The following LYZL2 variants were observed in gnomAD, a reference collection of about 807,000 sequenced individuals.
LYZL2 encodes the protein lysozyme-like protein 2.
In LYZL2, 13 loss-of-function variants were observed where a neutral mutation model predicts 17.1. The observed-to-expected ratio is 0.76, with a 90% CI of 0.49 to 1.21. The LOEUF is 1.21. LYZL2 is among the 50% of genes most tolerant of loss of function. LYZL2 has a pLI of 0.00. For missense variants in LYZL2, 166 were observed against 189.2 expected (o/e 0.88, Z 0.72); for synonymous variants, 63 against 74.4 (o/e 0.85, Z 0.79).
At chr10:30,616,269 C>T (rs1348167826) in intron 3 of LYZL2, among the ~76,000 whole-genome samples, 1 of 152,074 alleles carries the variant, frequency 6.6e-6, no homozygotes, top group African/African-American at 2.4e-5. Flanking sequence ...ATTCTATTAA[C>T]CAGGAGAAAA....
At chr10:30,621,855 C>T (rs1453671917) in intron 3 of LYZL2, among the ~76,000 whole-genome samples, 2 of 151,946 alleles carry the variant, frequency 1.3e-5, no homozygotes, top group African/African-American at 2.4e-5. Flanking sequence ...GTAATAGATA[C>T]TATAAAACTT....
At chr10:30,623,617 A>G (rs1838658048) in intron 3 of LYZL2, among the ~76,000 whole-genome samples, 1 of 152,132 alleles carries the variant, frequency 6.6e-6, no homozygotes, top group African/African-American at 2.4e-5. Context: ...TTTAGGTTAC[A>G]TTCTCCTTAT....
chr10:30,618,284 C>A (rs1365218004), intron 3 of LYZL2, among the ~76,000 whole-genome samples: 1 of 152,186 alleles, frequency 6.6e-6, no homozygotes, highest in Non-Finnish European at 1.5e-5. Context: ...CCATCCCCAT[C>A]AAGCTATCAA....
At chr10:30,614,677 G>A (rs1245670743) in intron 3 of LYZL2, among the ~76,000 whole-genome samples, 1 of 152,136 alleles carries the variant, frequency 6.6e-6, no homozygotes, top group African/African-American at 2.4e-5. Flanking sequence ...AATGCTGGAT[G>A]TTGACAAGGG....
chr10:30,629,538 T>A (rs2132957159), intron 1 of LYZL2, 55 bp downstream of exon 1: 5 of 1,582,452 alleles, frequency 3.2e-6, no homozygotes, highest in Middle Eastern at 1.7e-4. Flanking sequence ...TTCAAGAACC[T>A]GCCATTGCTG....
intron 3 of LYZL2, among the ~76,000 whole-genome samples, chr10:30,621,147 T>C (rs918908281): frequency 6.6e-6 from 1 of 152,118 alleles, no homozygotes; most frequent in African/African-American, 2.4e-5. Flanking sequence ...CATCATCGAA[T>C]TGCTGAAAAT....
At position 30,614,381 on chromosome 10, in the gene LYZL2, A is replaced by G. The variant is rs1188136861; in HGVS notation, c.299-1481T>C. On this transcript the variant is annotated intron_variant, in intron 3 of 4. Coordinates refer to ENST00000647634, the MANE Select transcript of LYZL2 (RefSeq NM_183058.3). ...ACTGCCCATCAGAGTGGCCCAAGTC[A>G]GGCCCACATGCCAGGTCTGAATGCC... is the stretch of plus-strand genomic sequence containing the variant. Among the ~76,000 whole-genome samples, 10 of 152,356 alleles carry G rather than the reference A, an allele frequency of 6.6e-5. No individual in the cohort carries two copies. In the East Asian group the frequency reaches 1.3e-3, roughly 21 times the overall value.
At position 30,611,987 on chromosome 10, in the gene LYZL2, A is replaced by G; in HGVS notation, c.415T>C (p.Ser139Pro). ...WKKHCEGRDL[S>P]DWKKDCEVS is the part of the protein sequence containing the mutation. ...ACCTCACAGTCTTTTTTCCAGTCGG[A>G]CAGGTCTCTCCCCTCACAGTGTTTC... Residue 139 changes from serine (S) to proline (P), a missense_variant, in exon 5 of 5, where the codon TCC becomes CCC. By Grantham distance (74) the Ser-to-Pro change is moderately conservative. Coordinates refer to ENST00000647634, the MANE Select transcript of LYZL2 (RefSeq NM_183058.3). 9 of 1,614,154 alleles carry G rather than the reference A, an allele frequency of 5.6e-6. No homozygotes were observed. Among genetic ancestry groups the G allele is most frequent in the South Asian group, 1.1e-5 (1 of 91,076 alleles).
At chr10:30,616,423 G>T (rs1475806752) in intron 3 of LYZL2, among the ~76,000 whole-genome samples, 2 of 152,186 alleles carry the variant, frequency 1.3e-5, no homozygotes, top group Admixed American at 1.3e-4. Flanking sequence ...GGTGGCTCAC[G>T]CCTATAATCC....
chr10:30,617,513 A>G (rs1838547837), intron 3 of LYZL2, among the ~76,000 whole-genome samples: 1 of 151,912 alleles, frequency 6.6e-6, no homozygotes, highest in Admixed American at 6.6e-5. Context: ...TGTCTCTACT[A>G]AAAATACAAA....
intron 3 of LYZL2, among the ~76,000 whole-genome samples, chr10:30,617,694 A>AAAAAAAG (rs1838555891): frequency 2.2e-5 from 3 of 137,568 alleles, no homozygotes; most frequent in Non-Finnish European, 3.1e-5. Context: ...AAAAAAAAAA[A>AAAAAAAG]AAAAGAAAAG....
At chr10:30,628,710 G>A (rs368476058) in intron 1 of LYZL2, among the ~76,000 whole-genome samples, 9 of 152,268 alleles carry the variant, frequency 5.9e-5, no homozygotes, top group African/African-American at 1.9e-4. Flanking sequence ...TTCCTGCATT[G>A]AAAGGCTAGG....
downstream of LYZL2, among the ~76,000 whole-genome samples, chr10:30,611,575 GAAAGAAA>G (rs1564405891): frequency 9.6e-4 from 94 of 97,720 alleles, no homozygotes; most frequent in South Asian, 1.2e-3. Flanking sequence ...AGGAAGGAAA[GAAAGAAA>G]GAAAGAAAGA....
At chr10:30,624,616 A>G (rs983769899) in intron 3 of LYZL2, among the ~76,000 whole-genome samples, 3 of 152,196 alleles carry the variant, frequency 2.0e-5, no homozygotes, top group African/African-American at 7.2e-5. Flanking sequence ...ATGATACAGG[A>G]GGTAAAAAAT....
At chr10:30,624,717 T>C (rs1341377191) in intron 3 of LYZL2, among the ~76,000 whole-genome samples, 3 of 152,224 alleles carry the variant, frequency 2.0e-5, no homozygotes, top group African/African-American at 7.2e-5. Flanking sequence ...AGACAGAGTC[T>C]GGCTGTAGGG....
In LYZL2 at chr10:30,629,740, A is replaced by G; in HGVS notation, c.-173T>C. On this transcript the variant is annotated 5_prime_UTR_variant, in exon 1 of 5. Transcript: ENST00000647634. ...CCATGTCTGATTCTAACAAGGCTCGAGTAATCCTTTCCTAGCTCAAGAACC... is the reference window on the plus strand; with the variant it reads ...CCATGTCTGATTCTAACAAGGCTCGGGTAATCCTTTCCTAGCTCAAGAACC... The G allele has an allele frequency of 6.3e-7, 1 of 1,576,848 alleles. No homozygotes were observed. The highest frequency in any genetic ancestry group is 8.6e-7 in the Non-Finnish European group (1 of 1,157,912).
intron 1 of LYZL2, among the ~76,000 whole-genome samples, chr10:30,628,417 G>A (rs111976827): frequency 6.8e-4 from 104 of 152,272 alleles, no homozygotes; most frequent in African/African-American, 2.3e-3. Flanking sequence ...GAAAGCACCT[G>A]GGGGAGCAGA....
At chr10:30,623,483 T>A (rs1250595760) in intron 3 of LYZL2, among the ~76,000 whole-genome samples, 1 of 152,156 alleles carries the variant, frequency 6.6e-6, no homozygotes, top group African/African-American at 2.4e-5. Context: ...TGAATCTTCA[T>A]CTGTATTTAC....
chr10:30,611,952 A>T lies in LYZL2; in HGVS notation c.*3T>A. 1.9e-6 allele frequency: 3 copies of T among 1,614,186 alleles called. No homozygotes were observed. The highest frequency in any genetic ancestry group is 2.5e-6 in the Non-Finnish European group (3 of 1,180,036). ...TGCAAAGCATCCTGGGTCCAGTTCC[A>T]GTTTAGGAAACCTCACAGTCTTTTT... On this transcript the variant is annotated 3_prime_UTR_variant, in exon 5 of 5. Coordinates refer to ENST00000647634, the MANE Select transcript of LYZL2 (RefSeq NM_183058.3).
Sources: allele counts gnomAD v4.1 joint callset (sites outside exome capture counted in the v4.1 genomes callset), GRCh38; gene constraint gnomAD v4.1.1; transcripts MANE v1.5; gene names NCBI Gene and HGNC (gene_info 2026-07-23, HGNC 2026-07-21).